SHLD1: variants seen among roughly 807,000 people sequenced by gnomAD.
SHLD1 encodes the protein shieldin complex subunit 1, also known as RINN1-REV7-interacting novel NHEJ regulator 3.
SHLD1 carries 3 observed loss-of-function variants against 5.5 expected under a neutral mutation model. The observed-to-expected ratio is 0.54, with a 90% CI of 0.25 to 1.40. The LOEUF (loss-of-function observed/expected upper bound fraction) is 1.40. SHLD1 is among the 40% of genes most tolerant of loss of function. The pLI is 0.15. For missense variants in SHLD1, 210 were observed against 244.4 expected (o/e 0.86, Z 0.94); for synonymous variants, 92 against 94.3 (o/e 0.98, Z 0.14).
intron 1 of SHLD1, among the ~76,000 whole-genome samples, chr20:5,769,545 A>G (rs1985032684): frequency 6.6e-6 from 1 of 152,226 alleles, no homozygotes; most frequent in Non-Finnish European, 1.5e-5. Flanking sequence ...TACCTATGAT[A>G]AAGGTTAATT....
At chr20:5,845,109 A>G (rs1447445922) in intron 2 of SHLD1, among the ~76,000 whole-genome samples, 1 of 152,056 alleles carries the variant, frequency 6.6e-6, no homozygotes, top group Non-Finnish European at 1.5e-5. Context: ...GACATATATT[A>G]ATAGAAGCAT....
At chr20:5,765,083 T>A (rs2122215383) in intron 1 of SHLD1, 1 of 152,192 alleles carries the variant, frequency 6.6e-6, no homozygotes, top group East Asian at 1.9e-4. Flanking sequence ...TTATTTTAAT[T>A]TTTTTTACAG....
chr20:5,842,526 T>A (rs2087877379), intron 2 of SHLD1, among the ~76,000 whole-genome samples: 1 of 152,232 alleles, frequency 6.6e-6, no homozygotes. Context: ...AATTTGAGGA[T>A]TTGTGCTTTA....
At chr20:5,826,445 CAA>C (rs77355613) in intron 2 of SHLD1, among the ~76,000 whole-genome samples, 25 of 122,284 alleles carry the variant, frequency 2.0e-4, no homozygotes, top group Admixed American at 1.7e-4. Flanking sequence ...TATGCACTGT[CAA>C]AAAAAAAAAA....
chr20:5,778,937 T>C (rs1459508344), intron 2 of SHLD1, among the ~76,000 whole-genome samples: 1 of 152,108 alleles, frequency 6.6e-6, no homozygotes, highest in Admixed American at 6.5e-5. Flanking sequence ...ATGCAGTGGC[T>C]CATGCCTGTA....
chr20:5,839,766 TA>T (rs1260932212), intron 2 of SHLD1, among the ~76,000 whole-genome samples: 1 of 152,230 alleles, frequency 6.6e-6, no homozygotes, highest in Non-Finnish European at 1.5e-5. Flanking sequence ...TAGAAACTCC[TA>T]AAATAACTTC....
intron 2 of SHLD1, among the ~76,000 whole-genome samples, chr20:5,802,964 G>A (rs2087317271): frequency 6.6e-6 from 1 of 152,146 alleles, no homozygotes; most frequent in Admixed American, 6.6e-5. Context: ...TGTTAAATGG[G>A]TTCCATTTTG....
At chr20:5,804,187 G>T (rs2087340758) in intron 2 of SHLD1, among the ~76,000 whole-genome samples, 1 of 151,902 alleles carries the variant, frequency 6.6e-6, no homozygotes, top group African/African-American at 2.4e-5. Context: ...GGTGGCACAT[G>T]CCTGTAATCC....
At chr20:5,759,619 G>A (rs1026511593) in intron 1 of SHLD1, among the ~76,000 whole-genome samples, 8 of 151,744 alleles carry the variant, frequency 5.3e-5, no homozygotes, top group Admixed American at 2.0e-4. Flanking sequence ...CTGTAGCCTC[G>A]ACCTCCTGAG....
chr20:5,845,937 T>G (rs896003471), intron 2 of SHLD1, among the ~76,000 whole-genome samples: 2 of 152,198 alleles, frequency 1.3e-5, no homozygotes, highest in Non-Finnish European at 2.9e-5. Context: ...TATCAGTACA[T>G]TCTAGTGTGT....
At position 5,863,358 on chromosome 20, in the gene SHLD1, A is replaced by T; in HGVS notation, c.513A>T (p.Pro171=). 3.7e-6 allele frequency: 6 copies of T among 1,614,106 alleles called. No homozygotes were observed. Among genetic ancestry groups the T allele is most frequent in the Non-Finnish European group, 5.1e-6 (6 of 1,180,004 alleles). ...QRHSRDTHFY[P]LEEGSTSLDD... Reference sequence around the variant, plus strand: ...ATTCCAGGGACACCCACTTCTACCCACTGGAGGAAGGAAGTACATCTTTGG... The same window carrying T: ...ATTCCAGGGACACCCACTTCTACCCTCTGGAGGAAGGAAGTACATCTTTGG... Residue 171 remains proline, a synonymous_variant, in exon 3 of 3, where the codon CCA becomes CCT. Coordinates refer to ENST00000303142, the MANE Select transcript of SHLD1 (RefSeq NM_152504.4).
chr20:5,771,074 T>C (rs1224239146), intron 1 of SHLD1, among the ~76,000 whole-genome samples: 2 of 152,214 alleles, frequency 1.3e-5, no homozygotes, highest in Non-Finnish European at 2.9e-5. Context: ...TTGGTTTTGC[T>C]TTTGAGAGCA....
intron 2 of SHLD1, among the ~76,000 whole-genome samples, chr20:5,780,918 C>G (rs1200828762): frequency 1.3e-5 from 2 of 152,186 alleles, no homozygotes; most frequent in African/African-American, 4.8e-5. Context: ...ACTGTTCATA[C>G]TCTGGAGGAG....
intron 2 of SHLD1, among the ~76,000 whole-genome samples, chr20:5,813,945 C>CTTTTTTTTTTTTT (rs143110037): frequency 1.1e-4 from 9 of 79,974 alleles, no homozygotes; most frequent in African/African-American, 1.4e-4. Context: ...CCTTTTCTTT[C>CTTTTTTTTTTTTT]TTTTTTTTTT....
At chr20:5,769,007 G>C (rs2122228912) in intron 1 of SHLD1, among the ~76,000 whole-genome samples, 1 of 150,724 alleles carries the variant, frequency 6.6e-6, no homozygotes, top group Non-Finnish European at 1.5e-5. Context: ...CCAGGCTCAA[G>C]TGATCCTCCC....
At chr20:5,805,391 A>G (rs915613484) in intron 2 of SHLD1, among the ~76,000 whole-genome samples, 4 of 152,160 alleles carry the variant, frequency 2.6e-5, no homozygotes, top group African/African-American at 4.8e-5. Flanking sequence ...TCCAGACCTC[A>G]GGTGATCCGC....
chr20:5,800,074 C>T (rs2087270328), intron 2 of SHLD1, among the ~76,000 whole-genome samples: 1 of 152,138 alleles, frequency 6.6e-6, no homozygotes, highest in African/African-American at 2.4e-5. Context: ...TTGGTTGTTG[C>T]AACTGGGTAG....
chr20:5,785,923 A>G (rs1433424379), intron 2 of SHLD1, among the ~76,000 whole-genome samples: 1 of 151,996 alleles, frequency 6.6e-6, no homozygotes, highest in Non-Finnish European at 1.5e-5. Flanking sequence ...CTCCTGGTCC[A>G]CTGGACCAGC....
At chr20:5,858,908 G>GC (rs2088123836) in intron 2 of SHLD1, among the ~76,000 whole-genome samples, 1 of 152,176 alleles carries the variant, frequency 6.6e-6, no homozygotes, top group Non-Finnish European at 1.5e-5. Context: ...TTGGATGCAT[G>GC]CAAAAGCATT....
Sources: allele counts gnomAD v4.1 joint callset (sites outside exome capture counted in the v4.1 genomes callset), GRCh38; gene constraint gnomAD v4.1.1; transcripts MANE v1.5; gene names NCBI Gene and HGNC (gene_info 2026-07-23, HGNC 2026-07-21).